Variants in ACVR2A observed in about 807,000 individuals in gnomAD.
The protein encoded by ACVR2A is activin A receptor type 2A.
Under a neutral mutation model 61.4 loss-of-function variants are expected in ACVR2A, and 7 were observed. That is an observed-to-expected ratio of 0.11 (90% CI 0.06 to 0.21). The LOEUF (loss-of-function observed/expected upper bound fraction) is 0.21. Ranked by LOEUF, ACVR2A falls within the 10% of genes least tolerant of loss-of-function variation. The probability of loss-of-function intolerance (pLI) is 1.00; values close to 1 mark genes in which losing one functional copy is unlikely to be tolerated. For missense variants in ACVR2A, 322 were observed against 621.7 expected (o/e 0.52, Z 5.13); for synonymous variants, 193 against 208.3 (o/e 0.93, Z 0.63).
intron 1 of ACVR2A, among the ~76,000 whole-genome samples, chr2:147,894,963 T>G (rs1686692502): frequency 6.6e-6 from 1 of 152,080 alleles, no homozygotes; most frequent in Non-Finnish European, 1.5e-5. Flanking sequence ...TTTCAATAAG[T>G]ATGTTGGAAA....
At chr2:147,881,118 T>C (rs950786099) in intron 1 of ACVR2A, among the ~76,000 whole-genome samples, 16 of 152,202 alleles carry the variant, frequency 1.1e-4, no homozygotes, top group East Asian at 7.7e-4. Flanking sequence ...TCTGGAACAT[T>C]TTCAGGCTTT....
At chr2:147,890,379 T>C (rs1686553434) in intron 1 of ACVR2A, among the ~76,000 whole-genome samples, 1 of 150,778 alleles carries the variant, frequency 6.6e-6, no homozygotes, top group Non-Finnish European at 1.5e-5. Flanking sequence ...TATACACACA[T>C]ACATGTACTC....
Position 147,930,255 on chromosome 2 carries a change from C to T in ACVR2A, c.*2981C>T, listed in dbSNP as rs1351175026. ...ATCTCTTCTGTTGCATTTCCTCACC[C>T]CTAAGTAACAGCTACATTTAAGTAA... On this transcript the variant is annotated 3_prime_UTR_variant, in exon 11 of 11. Coordinates refer to ENST00000241416, the MANE Select transcript of ACVR2A (RefSeq NM_001616.5). The T allele has an allele frequency of 6.6e-6, 1 of 152,012 alleles. No homozygotes were observed. Among genetic ancestry groups the T allele is most frequent in the African/African-American group, 2.4e-5 (1 of 41,288 alleles). 9.4% of individuals were successfully genotyped at this position (152,012 alleles called of 1,614,324 possible). A position where few individuals can be genotyped will look rare whatever the true frequency, so the allele number is the denominator to read the frequency against.
Position 147,918,416 on chromosome 2 carries a change from C to T in ACVR2A, c.817-31C>T, listed in dbSNP as rs760774913. The T allele has an allele frequency of 4.4e-6, 7 of 1,589,182 alleles. 1 individual carries two copies. The highest frequency in any genetic ancestry group is 1.7e-4 in the Middle Eastern group (1 of 5,956). On this transcript the variant is annotated intron_variant, in intron 6 of 10. Coordinates refer to ENST00000241416, the MANE Select transcript of ACVR2A (RefSeq NM_001616.5). ...TTATACATATGGCCTTTGTCAAGAA[C>T]ATAAGTTTCTTTTTTTCCCTCTTTT...
rs1685465145 is a variant in ACVR2A at position 147,852,129 on chromosome 2, AG to A, written c.55+6926del. ...TAGAATTTGAATTATATAGATTTAG[AG>A]GGGATCTTAGGTATCCTCATGTTCC... is the stretch of plus-strand genomic sequence containing the variant. On this transcript the variant is annotated intron_variant, in intron 1 of 10. Coordinates refer to ENST00000241416, the MANE Select transcript of ACVR2A (RefSeq NM_001616.5). 2.6e-5 allele frequency among the ~76,000 whole-genome samples: 4 copies of A among 152,080 alleles called. No homozygotes were observed. The South Asian group carries it at 8.3e-4, about 31-fold the overall frequency.
chr2:147,885,127 T>C (rs998220881), intron 1 of ACVR2A, among the ~76,000 whole-genome samples: 13 of 152,142 alleles, frequency 8.5e-5, no homozygotes, highest in Non-Finnish European at 1.6e-4. Flanking sequence ...ATTGTTGATT[T>C]AGTGCAAATG....
intron 1 of ACVR2A, among the ~76,000 whole-genome samples, chr2:147,848,773 T>C (rs577175178): frequency 1.3e-5 from 2 of 151,956 alleles, no homozygotes; most frequent in Non-Finnish European, 2.9e-5. Flanking sequence ...AGTTTACCCA[T>C]GTAACAGACC....
chr2:147,863,007 C>T (rs1183942299), intron 1 of ACVR2A, among the ~76,000 whole-genome samples: 2 of 152,122 alleles, frequency 1.3e-5, no homozygotes, highest in Non-Finnish European at 2.9e-5. Context: ...CTGACTAGCC[C>T]TACAAGGTAA....
chr2:147,913,469 A>G (rs1041698775), intron 4 of ACVR2A, among the ~76,000 whole-genome samples: 2 of 151,920 alleles, frequency 1.3e-5, no homozygotes, highest in Non-Finnish European at 2.9e-5. Context: ...TTTAGTTTAA[A>G]TATGTCTTTA....
intron 1 of ACVR2A, among the ~76,000 whole-genome samples, chr2:147,875,151 T>C (rs577993938): frequency 6.6e-6 from 1 of 152,146 alleles, no homozygotes; most frequent in Non-Finnish European, 1.5e-5. Flanking sequence ...GTGTCAGTAT[T>C]ATAAATTTTT....
At chr2:147,880,575 AAATTAG>A (rs1246883854) in intron 1 of ACVR2A, among the ~76,000 whole-genome samples, 1 of 152,154 alleles carries the variant, frequency 6.6e-6, no homozygotes, top group Non-Finnish European at 1.5e-5. Context: ...CTTGCAGGAT[AAATTAG>A]AATAGGCCTT....
intron 5 of ACVR2A, among the ~76,000 whole-genome samples, chr2:147,916,521 C>T (rs1184775674): frequency 6.6e-6 from 1 of 151,872 alleles, no homozygotes; most frequent in African/African-American, 2.4e-5. Context: ...ACAGACACTA[C>T]AATGCCTTTT....
At chr2:147,867,376 A>G (rs1159355314) in intron 1 of ACVR2A, among the ~76,000 whole-genome samples, 1 of 152,162 alleles carries the variant, frequency 6.6e-6, no homozygotes, top group Non-Finnish European at 1.5e-5. Flanking sequence ...TTAAAATTGA[A>G]ACCATTTGGA....
At chr2:147,914,181 G>T (rs558020362) in intron 4 of ACVR2A, among the ~76,000 whole-genome samples, 1 of 152,032 alleles carries the variant, frequency 6.6e-6, no homozygotes, top group East Asian at 1.9e-4. Flanking sequence ...GTGCCACCCA[G>T]TGTCATCATA....
intron 1 of ACVR2A, among the ~76,000 whole-genome samples, chr2:147,848,090 T>C (rs1283133949): frequency 1.3e-5 from 2 of 152,192 alleles, no homozygotes; most frequent in African/African-American, 4.8e-5. Flanking sequence ...TGTGTGAATG[T>C]ATGTGTGGTT....
intron 8 of ACVR2A, 144 bp downstream of exon 8, chr2:147,920,488 C>T: frequency 1.5e-6 from 1 of 646,702 alleles, no homozygotes; most frequent in Non-Finnish European, 2.6e-6. Flanking sequence ...CTGAGGAAGA[C>T]ATTTTCATAT....
intron 4 of ACVR2A, among the ~76,000 whole-genome samples, chr2:147,904,905 A>G (rs888021195): frequency 5.9e-5 from 9 of 152,104 alleles, no homozygotes; most frequent in African/African-American, 2.2e-4. Context: ...ATAACAAGTT[A>G]TACTTACAAA....
At chr2:147,886,739 G>GT (rs1372636171) in intron 1 of ACVR2A, among the ~76,000 whole-genome samples, 1 of 148,734 alleles carries the variant, frequency 6.7e-6, no homozygotes, top group Non-Finnish European at 1.5e-5. Context: ...AAGAACTCAA[G>GT]TAAGATGGAT....
chr2:147,925,745 T>C, intron 9 of ACVR2A: 1 of 280,152 alleles, frequency 3.6e-6, no homozygotes, highest in Non-Finnish European at 6.6e-6. Context: ...TTGTTCCTTA[T>C]GTCCTCTGTG....
Sources: allele counts gnomAD v4.1 joint callset (sites outside exome capture counted in the v4.1 genomes callset), GRCh38; gene constraint gnomAD v4.1.1; transcripts MANE v1.5; gene names NCBI Gene and HGNC (gene_info 2026-07-23, HGNC 2026-07-21).